KIF9: variants seen among roughly 807,000 people sequenced by gnomAD.
KIF9 encodes kinesin-like protein KIF9.
A neutral mutation model predicts 94.8 loss-of-function variants in KIF9; 68 were observed. That is an observed-to-expected ratio of 0.72 (90% CI 0.59 to 0.88). The LOEUF (loss-of-function observed/expected upper bound fraction) is 0.88, where lower values mean the gene tolerates loss of function less well. KIF9 is among the 40% of genes least tolerant of loss of function. The probability of loss-of-function intolerance (pLI) is 0.00; values close to 1 mark genes in which losing one functional copy is unlikely to be tolerated. For missense variants in KIF9, 882 were observed against 982.5 expected (o/e 0.90, Z 1.37); for synonymous variants, 343 against 362.1 (o/e 0.95, Z 0.60).
chr3:47,242,380 A>G (rs1300591162), intron 16 of KIF9, among the ~76,000 whole-genome samples: 1 of 152,202 alleles, frequency 6.6e-6, no homozygotes, highest in East Asian at 1.9e-4. Flanking sequence ...GGAGGGATAG[A>G]AGGATAGAGG....
intron 1 of KIF9, among the ~76,000 whole-genome samples, chr3:47,280,400 C>G (rs1157257761): frequency 6.6e-6 from 1 of 152,222 alleles, no homozygotes; most frequent in Admixed American, 6.5e-5. Flanking sequence ...AAGAGTAGCA[C>G]AGGCCAGTTC....
intron 4 of KIF9, 119 bp downstream of exon 4, chr3:47,273,433 C>T: frequency 1.4e-6 from 1 of 691,662 alleles, no homozygotes; most frequent in Non-Finnish European, 2.4e-6. Flanking sequence ...TACCAGTATC[C>T]ACTGCAACTC....
chr3:47,253,834 T>C (rs1303051377), intron 10 of KIF9, among the ~76,000 whole-genome samples: 1 of 152,222 alleles, frequency 6.6e-6, no homozygotes, highest in Non-Finnish European at 1.5e-5. Context: ...TAGTAAGTAC[T>C]ATAAAGAGTC....
In KIF9 at chr3:47,264,323, G is replaced by A. The variant is rs1161333202; in HGVS notation, c.944C>T (p.Thr315Ile). 6.2e-7 allele frequency: 1 copy of A among 1,613,696 alleles called. No individual in the cohort carries two copies. The highest frequency in any genetic ancestry group is 8.5e-7 in the Non-Finnish European group (1 of 1,179,702). The change falls in exon 9 of 21, where the codon ACA (threonine) becomes ATA (isoleucine). Residue 315 changes from threonine (T) to isoleucine (I), a missense_variant. Physicochemically the swap from Thr to Ile is moderately conservative, Grantham distance 89 (BLOSUM62 -1). Transcript: ENST00000684063. ...CTGGGCAGCTTCTCCATAGATGTTTGTCACGAGGACCATATTGCAGTTTCC... is the reference window on the plus strand; with the variant it reads ...CTGGGCAGCTTCTCCATAGATGTTTATCACGAGGACCATATTGCAGTTTCC... Reference protein sequence around the residue: ...LGGNCNMVLVTNIYGEAAQLE... With the variant: ...LGGNCNMVLVINIYGEAAQLE...
rs369081301 is a variant in KIF9 at position 47,237,340 on chromosome 3, C to T, written c.1925-721G>A. ...AATTCCTGACCTCAGGTGATCCGCC[C>T]GCCTCGGCCTCCCAAAGTGGTGGGA... is the stretch of plus-strand genomic sequence containing the variant. On this transcript the variant is annotated intron_variant, in intron 17 of 20. Transcript: ENST00000684063. 1.6e-3 allele frequency among the ~76,000 whole-genome samples: 251 copies of T among 152,292 alleles called. 7 individuals are homozygous for T. In the South Asian group the frequency reaches 0.048, roughly 29 times the overall value.
At chr3:47,274,559 G>C (rs1701843391) in intron 3 of KIF9, among the ~76,000 whole-genome samples, 1 of 152,238 alleles carries the variant, frequency 6.6e-6, no homozygotes, top group Admixed American at 6.5e-5. Flanking sequence ...CAGCATCTGA[G>C]TTGGAGCCAG....
intron 1 of KIF9, among the ~76,000 whole-genome samples, chr3:47,279,678 G>A (rs1198156047): frequency 1.3e-5 from 2 of 150,658 alleles, no homozygotes; most frequent in African/African-American, 2.4e-5. Flanking sequence ...GCGCAGTGGC[G>A]CCATCTCAGC....
chr3:47,247,785 G>A (rs894770380), intron 11 of KIF9, among the ~76,000 whole-genome samples: 4 of 152,172 alleles, frequency 2.6e-5, no homozygotes, highest in African/African-American at 9.7e-5. Flanking sequence ...AGGCGAGGAC[G>A]GGAGGCATGC....
chr3:47,256,070 T>C (rs1219859925), intron 10 of KIF9, among the ~76,000 whole-genome samples: 2 of 152,230 alleles, frequency 1.3e-5, no homozygotes, highest in African/African-American at 2.4e-5. Flanking sequence ...TGCTCAATGG[T>C]GCCCAGGCTG....
Position 47,236,501 on chromosome 3 carries a change from C to CCTGA in KIF9, c.2039_2042dup (p.Arg681SerfsTer4). The CCTGA allele has an allele frequency of 6.2e-7, 1 of 1,613,944 alleles. No individual in the cohort carries two copies. Among genetic ancestry groups the CCTGA allele is most frequent in the Non-Finnish European group, 8.5e-7 (1 of 1,180,036 alleles). ...GGTGCTGGCAATACTGGATCTCAGC[C>CCTGA]CTGAGGTCACGCAGGTCCTGGTACT... On this transcript the variant is annotated frameshift_variant, in exon 18 of 21. Transcript: ENST00000684063. LOFTEE classifies it high-confidence loss of function.
At chr3:47,254,565 C>T (rs565650302) in intron 10 of KIF9, among the ~76,000 whole-genome samples, 2 of 152,292 alleles carry the variant, frequency 1.3e-5, no homozygotes, top group South Asian at 2.1e-4. Context: ...GAGCAGAGAT[C>T]GTGCCACTAC....
chr3:47,274,610 G>A (rs1701847559), intron 3 of KIF9, among the ~76,000 whole-genome samples: 1 of 152,210 alleles, frequency 6.6e-6, no homozygotes, highest in South Asian at 2.1e-4. Flanking sequence ...ACAGGAAGGA[G>A]TCACTTCAGC....
chr3:47,244,538 T>A, intron 15 of KIF9: 1 of 461,618 alleles, frequency 2.2e-6, no homozygotes, highest in Non-Finnish European at 3.9e-6. Context: ...AAGCCTCTGT[T>A]TCTTCATCAG....
chr3:47,235,887 T>C (rs950283301), intron 19 of KIF9, 147 bp downstream of exon 19: 1 of 669,914 alleles, frequency 1.5e-6, no homozygotes, highest in African/African-American at 1.8e-5. Context: ...AGGAGAGACC[T>C]GTACCTGCCC....
rs1457536636 is a variant in KIF9 at position 47,282,557 on chromosome 3, C to A, written c.-68G>T. 3 of 1,020,024 alleles carry A rather than the reference C, an allele frequency of 2.9e-6. No homozygotes were observed. The allele number at this position is 1,020,024 out of a possible 1,614,324, so 63.2% of individuals were successfully genotyped here. On this transcript the variant is annotated 5_prime_UTR_variant, in exon 1 of 21. Coordinates refer to ENST00000684063, the MANE Select transcript of KIF9 (RefSeq NM_182902.4). ...CGCAACCGAAACCACCTGCACTCCC[C>A]ACGCGGGGCTGCCTGGCTGTGTACA...
chr3:47,240,892 G>C lies in KIF9; in HGVS notation c.1833C>G (p.Ser611Arg). Residue 611 changes from serine to arginine, a missense_variant, in exon 17 of 21, where the codon AGC becomes AGG. Coordinates refer to ENST00000684063, the MANE Select transcript of KIF9 (RefSeq NM_182902.4). ...TGGCATTGATGTGCTGTGTGGTCTCGCTGGCCCTTTTCCTCCGTTCATTCA... is the reference window on the plus strand; with the variant it reads ...TGGCATTGATGTGCTGTGTGGTCTCCCTGGCCCTTTTCCTCCGTTCATTCA... The part of the protein sequence containing the change: ...SILNERRKRA[S>R]ETTQHINAIK... 6.2e-7 allele frequency: 1 copy of C among 1,614,082 alleles called. No homozygotes were observed. Among genetic ancestry groups the C allele is most frequent in the Non-Finnish European group, 8.5e-7 (1 of 1,180,012 alleles).
chr3:47,244,507 G>T, intron 15 of KIF9: 1 of 361,822 alleles, frequency 2.8e-6, no homozygotes. Flanking sequence ...GTATGGCCTT[G>T]GTGAGTGACT....
intron 10 of KIF9, among the ~76,000 whole-genome samples, chr3:47,256,446 GGC>G (rs1700604396): frequency 6.6e-6 from 1 of 151,958 alleles, no homozygotes; most frequent in South Asian, 2.1e-4. Context: ...ATCTCCGCCC[GGC>G]AGCCACCCCG....
chr3:47,243,419 TGTG>T lies in KIF9; in HGVS notation c.1515-177_1515-175del, dbSNP rs748635498. 1.0e-3 allele frequency: 469 copies of T among 464,690 alleles called. 3 individuals are homozygous for T. Among genetic ancestry groups the T allele is most frequent in the Middle Eastern group, 1.1e-3 (2 of 1,752 alleles). The allele number at this position is 464,690 out of a possible 1,614,324, so 28.8% of individuals were successfully genotyped here. ...ATAGTGTGATGCTAAGCCAGGCAGA[TGTG>T]GAGGAAGAAGAGGGCATTTTTCTCC... On this transcript the variant is annotated intron_variant, in intron 15 of 20. Transcript: ENST00000684063.
Sources: allele counts gnomAD v4.1 joint callset (sites outside exome capture counted in the v4.1 genomes callset), GRCh38; gene constraint gnomAD v4.1.1; transcripts MANE v1.5; gene names NCBI Gene and HGNC (gene_info 2026-07-23, HGNC 2026-07-21).